Variants in IPMK observed in about 807,000 individuals in gnomAD.
IPMK encodes the protein inositol 1,3,4,6-tetrakisphosphate 5-kinase.
A neutral mutation model predicts 45.8 loss-of-function variants in IPMK; 17 were observed. That is an observed-to-expected ratio of 0.37 (90% confidence interval 0.25 to 0.56). The LOEUF (loss-of-function observed/expected upper bound fraction) is 0.56. IPMK is among the 20% of genes least tolerant of loss of function. The probability of loss-of-function intolerance (pLI) is 0.79; values close to 1 mark genes in which losing one functional copy is unlikely to be tolerated. For missense variants in IPMK, 399 were observed against 498.0 expected (o/e 0.80, Z 1.89); for synonymous variants, 180 against 184.3 (o/e 0.98, Z 0.19).
rs1273282331 is a variant in IPMK, at chr10:58,194,735, T to C, written c.*1341A>G. The C allele has an allele frequency of 6.6e-6, 1 of 151,960 alleles. No homozygotes were observed. The highest frequency in any genetic ancestry group is 1.5e-5 in the Non-Finnish European group (1 of 67,846). The allele number at this position is 151,960 out of a possible 1,614,324, so 9.4% of individuals were successfully genotyped here. On this transcript the variant is annotated 3_prime_UTR_variant, in exon 6 of 6. Transcript: ENST00000373935. Reference sequence around the variant, plus strand: ...ATATTTTCCAGGAATATGACAAAACTGATAACTACCTAGAAATGTTATTAG... The same window carrying C: ...ATATTTTCCAGGAATATGACAAAACCGATAACTACCTAGAAATGTTATTAG...
At chr10:58,225,904 T>C (rs1251618091) in intron 3 of IPMK, among the ~76,000 whole-genome samples, 1 of 152,120 alleles carries the variant, frequency 6.6e-6, no homozygotes, top group Non-Finnish European at 1.5e-5. Flanking sequence ...AGGGCAATCA[T>C]AATGACTTGT....
chr10:58,208,028 C>T (rs1429823675), intron 4 of IPMK, among the ~76,000 whole-genome samples: 1 of 152,092 alleles, frequency 6.6e-6, no homozygotes, highest in East Asian at 1.9e-4. Context: ...GCAAGCTCCA[C>T]CTCCCGGGTT....
chr10:58,225,076 G>C (rs1838392536), intron 3 of IPMK, among the ~76,000 whole-genome samples: 1 of 152,062 alleles, frequency 6.6e-6, no homozygotes, highest in African/African-American at 2.4e-5. Flanking sequence ...TGGTACTACT[G>C]GACCACTCTG....
intron 1 of IPMK, among the ~76,000 whole-genome samples, chr10:58,244,626 G>A (rs550459786): frequency 8.5e-6 from 1 of 117,170 alleles, no homozygotes; most frequent in South Asian, 2.8e-4. Flanking sequence ...GGAAAAGAAA[G>A]AGAGATCAGA....
intron 2 of IPMK, among the ~76,000 whole-genome samples, chr10:58,230,227 T>C (rs1838492280): frequency 6.6e-6 from 1 of 152,222 alleles, no homozygotes; most frequent in South Asian, 2.1e-4. Flanking sequence ...GGGCAGGGCA[T>C]AGCTGAACAA....
At chr10:58,224,402 A>G (rs1413323144) in intron 3 of IPMK, among the ~76,000 whole-genome samples, 1 of 152,246 alleles carries the variant, frequency 6.6e-6, no homozygotes, top group African/African-American at 2.4e-5. Context: ...TATAACTAGC[A>G]TGAAATGTTC....
chr10:58,267,483 G>A lies in IPMK; in HGVS notation c.129C>T (p.Leu43=). ...GATGCGAGAGGGGCACGCAGCCGTT[G>A]AGGAAGCGGAGTCTGCCGCCCGCCG... is the stretch of plus-strand genomic sequence containing the variant. ...PQPAGGRLRF[L]NGCVPLSHQV... Residue 43 remains leucine (L), a synonymous_variant, in exon 1 of 6, where the codon CTC becomes CTT. Transcript: ENST00000373935. 6.2e-7 allele frequency: 1 copy of A among 1,613,780 alleles called. No individual in the cohort carries two copies. The highest frequency in any genetic ancestry group is 8.5e-7 in the Non-Finnish European group (1 of 1,179,902).
At chr10:58,236,562 A>G (rs1838615607) in intron 2 of IPMK, among the ~76,000 whole-genome samples, 1 of 152,198 alleles carries the variant, frequency 6.6e-6, no homozygotes, top group South Asian at 2.1e-4. Flanking sequence ...AGATACCAAA[A>G]AGGCAGCTGG....
At chr10:58,226,634 CTG>C (rs980767105) in intron 3 of IPMK, among the ~76,000 whole-genome samples, 35 of 152,170 alleles carry the variant, frequency 2.3e-4, no homozygotes, top group African/African-American at 8.4e-4. Flanking sequence ...TTTCAGAAGA[CTG>C]TAATTTAAAG....
At chr10:58,209,716 C>T (rs751520268) in intron 4 of IPMK, among the ~76,000 whole-genome samples, 16 of 152,170 alleles carry the variant, frequency 1.1e-4, no homozygotes, top group Non-Finnish European at 2.1e-4. Flanking sequence ...CTGGCTTTCT[C>T]GAATGCTGGT....
At chr10:58,216,499 A>G (rs1353666521) in intron 3 of IPMK, among the ~76,000 whole-genome samples, 182 bp from the exon 4 acceptor site, 1 of 151,894 alleles carries the variant, frequency 6.6e-6, no homozygotes, top group Non-Finnish European at 1.5e-5. Context: ...TATAACAAGT[A>G]TAAACATCAC....
intron 1 of IPMK, among the ~76,000 whole-genome samples, chr10:58,253,997 T>G (rs2590345): frequency 0.034 from 5,117 of 152,216 alleles, 139 homozygotes; most frequent in African/African-American, 0.074. Flanking sequence ...TATTTGATTA[T>G]AATGTGCCTT....
chr10:58,237,603 G>A (rs768946082), intron 2 of IPMK, 126 bp downstream of exon 2: 23 of 690,734 alleles, frequency 3.3e-5, no homozygotes, highest in Middle Eastern at 4.0e-4. Flanking sequence ...TGCTTTCCAT[G>A]AAGCTTTTGT....
At chr10:58,246,696 A>C (rs1401422316) in intron 1 of IPMK, among the ~76,000 whole-genome samples, 1 of 151,512 alleles carries the variant, frequency 6.6e-6, no homozygotes, top group Non-Finnish European at 1.5e-5. Context: ...AAAACCATAA[A>C]AACCCTAGAA....
chr10:58,249,104 A>G (rs1838846271), intron 1 of IPMK, among the ~76,000 whole-genome samples: 1 of 152,248 alleles, frequency 6.6e-6, no homozygotes, highest in Admixed American at 6.5e-5. Flanking sequence ...AGGAACTTCC[A>G]TACTATTTCC....
chr10:58,243,468 C>T (rs865836068), intron 1 of IPMK, among the ~76,000 whole-genome samples: 1 of 152,186 alleles, frequency 6.6e-6, no homozygotes, highest in East Asian at 1.9e-4. Context: ...GCCTCGGGCT[C>T]GGGTGATTCT....
At chr10:58,266,160 A>G (rs939936040) in intron 1 of IPMK, among the ~76,000 whole-genome samples, 7 of 151,990 alleles carry the variant, frequency 4.6e-5, no homozygotes, top group Admixed American at 1.3e-4. Flanking sequence ...TCACTATTCA[A>G]TATTTCCTGA....
At chr10:58,235,562 A>G (rs996826374) in intron 2 of IPMK, among the ~76,000 whole-genome samples, 13 of 152,212 alleles carry the variant, frequency 8.5e-5, no homozygotes, top group Non-Finnish European at 1.8e-4. Context: ...AAACTATCAC[A>G]AGGACAGAAA....
chr10:58,235,785 A>G (rs1191093759), intron 2 of IPMK, among the ~76,000 whole-genome samples: 1 of 152,196 alleles, frequency 6.6e-6, no homozygotes, highest in East Asian at 1.9e-4. Flanking sequence ...CGTTGTGCAC[A>G]TGTATCCTAG....
Sources: allele counts gnomAD v4.1 joint callset (sites outside exome capture counted in the v4.1 genomes callset), GRCh38; gene constraint gnomAD v4.1.1; transcripts MANE v1.5; gene names NCBI Gene and HGNC (gene_info 2026-07-23, HGNC 2026-07-21).